The following DDX51 variants were observed in gnomAD, a reference collection of about 807,000 sequenced individuals.
The protein encoded by DDX51 is ATP-dependent RNA helicase DDX51.
DDX51 carries 67 observed loss-of-function variants against 74.6 expected under a neutral mutation model. The observed-to-expected ratio is 0.90, with a 90% CI of 0.74 to 1.10. The LOEUF (loss-of-function observed/expected upper bound fraction) is 1.10. DDX51 is among the 50% of genes least tolerant of loss of function. The pLI is 0.00. For missense variants in DDX51, 1,056 were observed against 905.2 expected, an observed-to-expected ratio of 1.17 and a Z score of -2.14; for synonymous variants, 545 against 402.9, an observed-to-expected ratio of 1.35 and a Z score of -4.22.
chr12:132,142,150 A>T lies in DDX51; in HGVS notation c.857T>A (p.Val286Asp). 1 of 1,547,826 alleles carries T rather than the reference A, an allele frequency of 6.5e-7. No homozygotes were observed. The highest frequency in any genetic ancestry group is 8.7e-7 in the Non-Finnish European group (1 of 1,146,834). Residue 286 changes from valine (V) to aspartate (D), a missense_variant, in exon 5 of 15, where the codon GTT becomes GAT. Val to Asp is a radical substitution (Grantham distance 152). Transcript: ENST00000397333. ...GGCCAGCTCCTTGGTGGGCAGCACA[A>T]CCAGGGCACGGATGTGGCAGACCAC... ...SRVVCHIRAL[V>D]VLPTKELAQQ...
In DDX51 at chr12:132,139,717, C is replaced by G; in HGVS notation, c.1892G>C (p.Arg631Pro). ...LTEAGAPELQ[R>P]HELSSKLLQP... Reference sequence around the variant, plus strand: ...CAGCAGCTTGCTGGAGAGCTCGTGCCGCTGCAACTCAGGTGCCCCAGCTTC... The same window carrying G: ...CAGCAGCTTGCTGGAGAGCTCGTGCGGCTGCAACTCAGGTGCCCCAGCTTC... The change falls in exon 14 of 15, where the codon CGG (arginine) becomes CCG (proline). Residue 631 changes from arginine (R) to proline (P), a missense_variant. Coordinates refer to ENST00000397333, the MANE Select transcript of DDX51 (RefSeq NM_175066.4). The G allele has an allele frequency of 1.2e-6, 2 of 1,613,060 alleles. No homozygotes were observed. The highest frequency in any genetic ancestry group is 1.7e-6 in the Non-Finnish European group (2 of 1,180,014).
At position 132,141,615 on chromosome 12, in the gene DDX51, C is replaced by T. The variant is rs1012682297; in HGVS notation, c.996-9G>A. The T allele has an allele frequency of 1.1e-5, 17 of 1,564,656 alleles. No homozygotes were observed. The highest frequency in any genetic ancestry group is 1.4e-5 in the Non-Finnish European group (16 of 1,158,342). On this transcript the variant is annotated splice_polypyrimidine_tract_variant and intron_variant, in intron 6 of 14. Transcript: ENST00000397333. ...AGCGGTACCCATCAGCTCTACAGAC[C>T]AGAGAGCAGCTCGAGAGAAGGAAGC...
At position 132,137,156 on chromosome 12, in the gene DDX51, T is replaced by C. The variant is rs764925401; in HGVS notation, c.*2116A>G. 5 of 152,170 alleles carry C rather than the reference T, an allele frequency of 3.3e-5. No individual in the cohort carries two copies. Among genetic ancestry groups the C allele is most frequent in the African/African-American group, 1.2e-4 (5 of 41,404 alleles). 9.4% of individuals were successfully genotyped at this position (152,170 alleles called of 1,614,324 possible). On this transcript the variant is annotated 3_prime_UTR_variant, in exon 15 of 15. Transcript: ENST00000397333. ...TCTGCTCCCAGACATCTTCTTGGGG[T>C]TACAGGCACCCCTCAGTCTGCTTTT...
chr12:132,139,512 T>C (rs1242903501), intron 14 of DDX51, 123 bp downstream of exon 14: 1 of 1,585,666 alleles, frequency 6.3e-7, no homozygotes, highest in Admixed American at 1.7e-5. Context: ...GAGGACAACC[T>C]GTGTGACCCT....
chr12:132,139,583 CT>C, intron 14 of DDX51, 51 bp downstream of exon 14: 3 of 1,612,956 alleles, frequency 1.9e-6, no homozygotes, highest in Non-Finnish European at 2.5e-6. Context: ...ACGACGCCCT[CT>C]CTGCAAACGC....
Position 132,141,592 on chromosome 12 carries a change from C to A in DDX51, c.1010G>T (p.Arg337Leu). 6.3e-7 allele frequency: 1 copy of A among 1,596,032 alleles called. No homozygotes were observed. The highest frequency in any genetic ancestry group is 8.5e-7 in the Non-Finnish European group (1 of 1,172,802). ...GGCTACCACGATGTCAGCCAAGCAG[C>A]GGTACCCATCAGCTCTACAGACCAG... ...SLVQKTADGY[R>L]CLADIVVATP... The change falls in exon 7 of 15, where the codon CGC becomes CTC. Residue 337 changes from arginine to leucine, a missense_variant. Arg to Leu is a moderately radical substitution (Grantham distance 102). Transcript: ENST00000397333.
At chr12:132,141,635 G>A (rs1439047709) in intron 6 of DDX51, 29 bp from the exon 7 acceptor site, 9 of 1,546,442 alleles carry the variant, frequency 5.8e-6, no homozygotes, top group South Asian at 2.5e-5. Flanking sequence ...CTCGAGAGAA[G>A]GAAGCTTTCT....
rs755072059 is a variant in DDX51, at chr12:132,142,261, G to C, written c.816+16C>G. On this transcript the variant is annotated intron_variant, in intron 4 of 14. Transcript: ENST00000397333. Reference sequence around the variant, plus strand: ...TCTGCACACCCGCTGTAGAGAAAGGGGACCCTCACACAGACCTGCACCACA... The same window carrying C: ...TCTGCACACCCGCTGTAGAGAAAGGCGACCCTCACACAGACCTGCACCACA... 15 of 1,611,622 alleles carry C rather than the reference G, an allele frequency of 9.3e-6. No individual in the cohort carries two copies. The highest frequency in any genetic ancestry group is 1.3e-5 in the Non-Finnish European group (15 of 1,179,084).
At position 132,140,667 on chromosome 12, in the gene DDX51, G is replaced by A. The variant is rs752080381; in HGVS notation, c.1509C>T (p.Gly503=). 1.5e-5 allele frequency: 25 copies of A among 1,613,062 alleles called. No individual in the cohort carries two copies. In the Middle Eastern group the frequency reaches 2.0e-3, roughly 128 times the overall value. The stretch of plus-strand genomic sequence containing the variant: ...TAGTGAAGCAGAGAACCCTCGAGAA[G>A]CCCATCTCCAGGACCAGGTGCAGGA... The part of the protein sequence containing the change: ...LVVLHLVLEM[G]FSRVLCFTNS... The change falls in exon 10 of 15, where the codon GGC becomes GGT. Residue 503 remains glycine, a synonymous_variant. Transcript: ENST00000397333.
Position 132,141,362 on chromosome 12 carries a change from A to G in DDX51, c.1163T>C (p.Val388Ala). The change falls in exon 8 of 15, where the codon GTG becomes GCG. Residue 388 changes from valine to alanine, a missense_variant. Transcript: ENST00000397333. ...CTCGCTCTGGAAGGCGGCCGCCACC[A>G]CCCGCGGCAGCCAGGACTGATGCAT... ...DSMHQSWLPR[V>A]VAAAFQSEDP... 3.8e-6 allele frequency: 6 copies of G among 1,598,384 alleles called. No homozygotes were observed. Among genetic ancestry groups the G allele is most frequent in the Non-Finnish European group, 5.1e-6 (6 of 1,179,628 alleles).
Position 132,144,318 on chromosome 12 carries a change from T to A in DDX51, c.-22A>T. ...CCATGGCCAGCCGCACGCCTGGGAC[T>A]CGGGCGTGGCGCGCTGCGATGACGT... On this transcript the variant is annotated 5_prime_UTR_variant, in exon 1 of 15. Transcript: ENST00000397333. 1 of 1,347,372 alleles carries A rather than the reference T, an allele frequency of 7.4e-7. No homozygotes were observed. The highest frequency in any genetic ancestry group is 9.5e-7 in the Non-Finnish European group (1 of 1,054,082). The allele number at this position is 1,347,372 out of a possible 1,614,324, so 83.5% of individuals were successfully genotyped here. A position where few individuals can be genotyped will look rare whatever the true frequency, so the allele number is the denominator to read the frequency against.
chr12:132,143,739 G>A lies in DDX51; in HGVS notation c.475C>T (p.Pro159Ser), dbSNP rs1308142995. 2.0e-6 allele frequency: 3 copies of A among 1,530,618 alleles called. No homozygotes were observed. The highest frequency in any genetic ancestry group is 2.6e-6 in the Non-Finnish European group (3 of 1,141,432). 94.8% of individuals were successfully genotyped at this position (1,530,618 alleles called of 1,614,324 possible). A position where few individuals can be genotyped will look rare whatever the true frequency, so the allele number is the denominator to read the frequency against. ...CCGAACCCCCCCAGCACCAGGCCGG[G>A]GACCAGGGGTCCGGCCGCCTCCTCC... ...ALEEAAGPLV[P>S]GLVLGGFGKR... is the part of the protein sequence containing the mutation. The change falls in exon 2 of 15, where the codon CCC becomes TCC. Residue 159 changes from proline to serine, a missense_variant. Pro to Ser is a moderately conservative substitution (Grantham distance 74, BLOSUM62 -1). Coordinates refer to ENST00000397333, the MANE Select transcript of DDX51 (RefSeq NM_175066.4).
Position 132,142,264 on chromosome 12 carries a change from C to A in DDX51, c.816+13G>T, listed in dbSNP as rs1042838643. 1.2e-6 allele frequency: 2 copies of A among 1,612,320 alleles called. No homozygotes were observed. Among genetic ancestry groups the A allele is most frequent in the Non-Finnish European group, 1.7e-6 (2 of 1,179,478 alleles). ...GCACACCCGCTGTAGAGAAAGGGGA[C>A]CCTCACACAGACCTGCACCACAGGG... On this transcript the variant is annotated intron_variant, in intron 4 of 14. Coordinates refer to ENST00000397333, the MANE Select transcript of DDX51 (RefSeq NM_175066.4).
rs1464924026 is a variant in DDX51 at position 132,137,722 on chromosome 12, C to CAA, written c.*1548_*1549dup. 6.6e-6 allele frequency: 1 copy of CAA among 152,214 alleles called. No homozygotes were observed. Among genetic ancestry groups the CAA allele is most frequent in the African/African-American group, 2.4e-5 (1 of 41,436 alleles). The allele number at this position is 152,214 out of a possible 1,614,324, so 9.4% of individuals were successfully genotyped here. A position where few individuals can be genotyped will look rare whatever the true frequency, so the allele number is the denominator to read the frequency against. On this transcript the variant is annotated 3_prime_UTR_variant, in exon 15 of 15. Transcript: ENST00000397333. ...GTTGGCATCATCCACCTTTTTCAAA[C>CAA]AAAGCACTGGACTGAGAGAATTCAC...
chr12:132,141,933 G>C lies in DDX51; in HGVS notation c.912C>G (p.Tyr304Ter). Residue 304 changes from tyrosine (Y) to a stop codon, truncating the protein, a stop_gained, in exon 6 of 15, where the codon TAC becomes TAG. Coordinates refer to ENST00000397333, the MANE Select transcript of DDX51 (RefSeq NM_175066.4). LOFTEE classifies it high-confidence loss of function. ...AQQVSKVFNI[Y>*]TDATPLRVSL... ...AGACTCTCAGAGGTGTGGCATCTGT[G>C]TAGATGTTGAAAACTTTGCTCACCT... 6.2e-7 allele frequency: 1 copy of C among 1,613,146 alleles called. No individual in the cohort carries two copies. The highest frequency in any genetic ancestry group is 8.5e-7 in the Non-Finnish European group (1 of 1,180,000).
At position 132,137,883 on chromosome 12, in the gene DDX51, ACCC is replaced by A. The variant is rs202171444; in HGVS notation, c.*1386_*1388del. 1 of 149,398 alleles carries A rather than the reference ACCC, an allele frequency of 6.7e-6. No homozygotes were observed. The highest frequency in any genetic ancestry group is 2.5e-5 in the African/African-American group (1 of 39,836). The allele number at this position is 149,398 out of a possible 1,614,324, so 9.3% of individuals were successfully genotyped here. ...ACTGGCCACTGTGTCCCCAGCCCCA[ACCC>A]CCACCAACTCCCGGCCCCGGCACCC... On this transcript the variant is annotated 3_prime_UTR_variant, in exon 15 of 15. Coordinates refer to ENST00000397333, the MANE Select transcript of DDX51 (RefSeq NM_175066.4).
At chr12:132,142,018 G>A (rs574441178) in intron 5 of DDX51, 62 bp from the exon 6 acceptor site, 14 of 1,609,036 alleles carry the variant, frequency 8.7e-6, no homozygotes, top group African/African-American at 1.3e-5. Flanking sequence ...CAGCAAAAAG[G>A]ACCCCAGATC....
chr12:132,143,618 C>G (rs1013365516), intron 2 of DDX51, 77 bp downstream of exon 2: 1 of 1,505,920 alleles, frequency 6.6e-7, no homozygotes, highest in South Asian at 1.2e-5. Flanking sequence ...CGAAATCTTC[C>G]GGGGCGACCG....
chr12:132,142,982 C>A, intron 2 of DDX51, 104 bp from the exon 3 acceptor site: 1 of 1,490,550 alleles, frequency 6.7e-7, no homozygotes, highest in Non-Finnish European at 9.2e-7. Context: ...AAACCTCTGT[C>A]GTCTTCAGCT....
Sources: gnomAD v4.1 joint callset for allele counts on GRCh38, gnomAD v4.1.1 for gene constraint, MANE v1.5 for transcripts, NCBI Gene and HGNC (gene_info 2026-07-23, HGNC 2026-07-21) for gene names.